The following CFAP299 variants were observed in gnomAD, a reference collection of about 807,000 sequenced individuals.
CFAP299 encodes the protein cilia and flagella associated protein 299, also known as cilia- and flagella-associated protein 299.
CFAP299 carries 21 observed loss-of-function variants against 27.0 expected under a neutral mutation model. The observed-to-expected ratio is 0.78, with a 90% CI of 0.55 to 1.12. CFAP299 has a LOEUF of 1.12. CFAP299 is among the 50% of genes most tolerant of loss of function. CFAP299 has a pLI of 0.00. For synonymous variants in CFAP299, 104 were observed against 98.1 expected, an observed-to-expected ratio of 1.06 and a Z score of -0.36; for missense variants, 310 against 276.6, an observed-to-expected ratio of 1.12 and a Z score of -0.86.
chr4:80,954,307 T>C (rs562689269), intron 5 of CFAP299, among the ~76,000 whole-genome samples: 1 of 152,152 alleles, frequency 6.6e-6, no homozygotes, highest in Non-Finnish European at 1.5e-5. Flanking sequence ...AGTAGTTAAT[T>C]CCCATGACTC....
chr4:80,859,583 G>C (rs1217983628), intron 3 of CFAP299, among the ~76,000 whole-genome samples: 1 of 151,858 alleles, frequency 6.6e-6, no homozygotes, highest in Non-Finnish European at 1.5e-5. Flanking sequence ...ACTTCCTTCA[G>C]GAACTCTTTT....
At chr4:80,451,263 T>G (rs927896304) in intron 2 of CFAP299, among the ~76,000 whole-genome samples, 1 of 152,178 alleles carries the variant, frequency 6.6e-6, no homozygotes, top group African/African-American at 2.4e-5. Context: ...TGATATCTCT[T>G]TGTGTGTCCA....
At chr4:80,516,323 G>C (rs1732587673) in intron 2 of CFAP299, among the ~76,000 whole-genome samples, 1 of 151,964 alleles carries the variant, frequency 6.6e-6, no homozygotes, top group Non-Finnish European at 1.5e-5. Context: ...GCCTGGCCCT[G>C]TTTTTGCATT....
chr4:80,445,068 T>G (rs537905505), intron 2 of CFAP299, among the ~76,000 whole-genome samples: 103 of 152,174 alleles, frequency 6.8e-4, no homozygotes, highest in Non-Finnish European at 1.2e-3. Flanking sequence ...ACTTTTATAT[T>G]GTTGGTGGGA....
intron 3 of CFAP299, among the ~76,000 whole-genome samples, chr4:80,669,650 A>AT (rs1428173186): frequency 6.9e-6 from 1 of 144,560 alleles, no homozygotes; most frequent in Non-Finnish European, 1.5e-5. Context: ...GGCTAATTTG[A>AT]TTTTTTCCTT....
intron 3 of CFAP299, among the ~76,000 whole-genome samples, chr4:80,667,712 C>G (rs987808256): frequency 3.3e-5 from 5 of 151,998 alleles, no homozygotes; most frequent in Admixed American, 2.0e-4. Flanking sequence ...TTTCTTTATC[C>G]ACTCATTCAT....
At chr4:80,381,128 A>G (rs940426185) in intron 2 of CFAP299, among the ~76,000 whole-genome samples, 3 of 152,184 alleles carry the variant, frequency 2.0e-5, no homozygotes, top group Non-Finnish European at 4.4e-5. Flanking sequence ...TTTTAGCTCC[A>G]TATCTACTTC....
chr4:80,833,690 A>G (rs1459904211), intron 3 of CFAP299, among the ~76,000 whole-genome samples: 1 of 152,218 alleles, frequency 6.6e-6, no homozygotes, highest in Non-Finnish European at 1.5e-5. Context: ...TATTTTAAAT[A>G]AAACAGAATT....
At chr4:80,344,186 C>T (rs556140573) in intron 1 of CFAP299, among the ~76,000 whole-genome samples, 3 of 151,172 alleles carry the variant, frequency 2.0e-5, no homozygotes, top group Non-Finnish European at 4.4e-5. Context: ...AACAACTCTT[C>T]AAAAAAATCA....
At chr4:80,687,315 AG>A (rs1421234968) in intron 3 of CFAP299, among the ~76,000 whole-genome samples, 1 of 152,130 alleles carries the variant, frequency 6.6e-6, no homozygotes, top group Non-Finnish European at 1.5e-5. Flanking sequence ...GAACTCTTGA[AG>A]TTTTTTTTTA....
intron 3 of CFAP299, among the ~76,000 whole-genome samples, chr4:80,800,292 AATAT>A (rs1225658334): frequency 5.4e-5 from 4 of 74,750 alleles, no homozygotes; most frequent in South Asian, 8.4e-4. Flanking sequence ...ATAATATATT[AATAT>A]ATATAATATA....
chr4:80,891,791 A>G (rs1734303482), intron 4 of CFAP299, among the ~76,000 whole-genome samples: 1 of 100,532 alleles, frequency 9.9e-6, no homozygotes, highest in East Asian at 3.8e-4. Flanking sequence ...AAAAAAAATA[A>G]AAAAAAAAAT....
rs994037504 is a variant in CFAP299, at chr4:80,963,536, C to G, written c.626C>G (p.Ser209Cys). 3.7e-6 allele frequency: 6 copies of G among 1,605,206 alleles called. No individual in the cohort carries two copies. Among genetic ancestry groups the G allele is most frequent in the East Asian group, 2.2e-5 (1 of 44,522 alleles). The change falls in exon 6 of 6, where the codon TCT (serine) becomes TGT (cysteine). Residue 209 changes from serine (S) to cysteine (C), a missense_variant. Transcript: ENST00000358105. ...VDPKAQPGDN[S>C]TRITILTELY... ...TTTTAGGCGCAGCCAGGTGACAACT[C>G]TACTAGAATCACTATCCTGACAGAA...
At chr4:80,464,550 C>T (rs1729615398) in intron 2 of CFAP299, among the ~76,000 whole-genome samples, 1 of 152,170 alleles carries the variant, frequency 6.6e-6, no homozygotes, top group South Asian at 2.1e-4. Flanking sequence ...AAATAAACTG[C>T]AAACTAGCAA....
chr4:80,535,702 C>T (rs901887437), intron 2 of CFAP299, among the ~76,000 whole-genome samples: 7 of 152,102 alleles, frequency 4.6e-5, no homozygotes, highest in African/African-American at 1.4e-4. Flanking sequence ...GCTTGGCAGT[C>T]ACCCATTTGC....
intron 2 of CFAP299, among the ~76,000 whole-genome samples, chr4:80,497,516 T>TAC (rs965809653): frequency 1.3e-5 from 2 of 152,092 alleles, no homozygotes; most frequent in African/African-American, 4.8e-5. Context: ...TGCATATATA[T>TAC]ACACACACAC....
chr4:80,330,974 G>A (rs114555380), upstream of CFAP299, among the ~76,000 whole-genome samples: 3,918 of 152,290 alleles, frequency 0.026, 97 homozygotes, highest in South Asian at 0.096. Flanking sequence ...CTAATAAGCA[G>A]TATAGACATT....
intron 5 of CFAP299, among the ~76,000 whole-genome samples, chr4:80,946,770 T>C (rs370128047): frequency 6.6e-6 from 1 of 152,160 alleles, no homozygotes; most frequent in African/African-American, 2.4e-5. Context: ...CAACATACCT[T>C]CTCTCTAGTG....
At chr4:80,526,904 T>G (rs543547437) in intron 2 of CFAP299, among the ~76,000 whole-genome samples, 3 of 152,242 alleles carry the variant, frequency 2.0e-5, no homozygotes, top group Non-Finnish European at 4.4e-5. Context: ...TACAACAAAT[T>G]ACGCAACAAA....
Sources: allele counts gnomAD v4.1 joint callset (sites outside exome capture counted in the v4.1 genomes callset), GRCh38; gene constraint gnomAD v4.1.1; transcripts MANE v1.5; gene names NCBI Gene and HGNC (gene_info 2026-07-23, HGNC 2026-07-21).